DSG4: variants seen among roughly 807,000 people sequenced by gnomAD.
The protein encoded by DSG4 is desmoglein 4.
DSG4 carries 87 observed loss-of-function variants against 93.1 expected under a neutral mutation model. That is an observed-to-expected ratio of 0.93 (90% CI 0.79 to 1.12). The LOEUF is 1.12. Ranked by LOEUF, DSG4 falls within the 50% of genes most tolerant of loss-of-function variation. DSG4 has a pLI of 0.00. For synonymous variants in DSG4, 432 were observed against 452.9 expected, an observed-to-expected ratio of 0.95 and a Z score of 0.59; for missense variants, 1,373 against 1,285.7, an observed-to-expected ratio of 1.07 and a Z score of -1.04.
At position 31,413,093 on chromosome 18, in the gene DSG4, A is replaced by C. The variant is rs756399115; in HGVS notation, c.2621A>C (p.Asn874Thr). ...ACTGACCTCCCTTTGCTCGGACCTA[A>C]TTACTTTGTTAATGAATCTTCAGGA... Reference protein sequence around the residue: ...ISTDLPLLGPNYFVNESSGLT... With the variant: ...ISTDLPLLGPTYFVNESSGLT... Residue 874 changes from asparagine (N) to threonine (T), a missense_variant, in exon 16 of 16, where the codon AAT becomes ACT. Asn to Thr is a moderately conservative substitution (Grantham distance 65). Coordinates refer to ENST00000308128, the MANE Select transcript of DSG4 (RefSeq NM_177986.5). 1 of 1,614,102 alleles carries C rather than the reference A, an allele frequency of 6.2e-7. No individual in the cohort carries two copies. The highest frequency in any genetic ancestry group is 1.7e-5 in the Admixed American group (1 of 60,016).
rs773738568 is a variant in DSG4, at chr18:31,399,342, A to G, written c.1076A>G (p.Tyr359Cys). Residue 359 changes from tyrosine to cysteine, a missense_variant, in exon 9 of 16, where the codon TAC becomes TGC. Coordinates refer to ENST00000308128, the MANE Select transcript of DSG4 (RefSeq NM_177986.5). ...IGVKNQADFH[Y>C]SVASQFQMHP... ...GTTAAAAACCAAGCTGATTTTCACT[A>G]CTCCGTTGCTTCTCAATTCCAAATG... 1.9e-6 allele frequency: 3 copies of G among 1,613,998 alleles called. No homozygotes were observed. Among genetic ancestry groups the G allele is most frequent in the East Asian group, 2.2e-5 (1 of 44,862 alleles).
chr18:31,406,163 G>C lies in DSG4; in HGVS notation c.1723G>C (p.Ala575Pro). ...CCTGGTGAAGGACAGCTATAACAGA[G>C]CATGTGAATTGGCACAAATGGTGCA... ...PILVKDSYNRACELAQMVQLY... is the reference protein window; with the variant it reads ...PILVKDSYNRPCELAQMVQLY... Residue 575 changes from alanine to proline, a missense_variant, in exon 12 of 16, where the codon GCA (alanine) becomes CCA (proline). Transcript: ENST00000308128. The C allele has an allele frequency of 6.2e-7, 1 of 1,614,172 alleles. No individual in the cohort carries two copies. Among genetic ancestry groups the C allele is most frequent in the Non-Finnish European group, 8.5e-7 (1 of 1,180,044 alleles).
At position 31,411,218 on chromosome 18, in the gene DSG4, C is replaced by T. The variant is rs1193514209; in HGVS notation, c.2138-13C>T. ...AACTCCAGCGCTGTTAAACCAACAT[C>T]CTCCCTTTTCAGAAATCTACACCAA... is the stretch of plus-strand genomic sequence containing the variant. On this transcript the variant is annotated splice_polypyrimidine_tract_variant and intron_variant, in intron 14 of 15. Coordinates refer to ENST00000308128, the MANE Select transcript of DSG4 (RefSeq NM_177986.5). 4 of 1,613,626 alleles carry T rather than the reference C, an allele frequency of 2.5e-6. No homozygotes were observed. The highest frequency in any genetic ancestry group is 1.3e-5 in the African/African-American group (1 of 74,808).
chr18:31,386,102 G>A (rs1002279990), intron 2 of DSG4, among the ~76,000 whole-genome samples: 4 of 152,026 alleles, frequency 2.6e-5, no homozygotes, highest in African/African-American at 9.7e-5. Context: ...CCTTATAGGT[G>A]TCCATGGGAT....
chr18:31,378,867 C>T (rs1039263380), intron 1 of DSG4, among the ~76,000 whole-genome samples: 3 of 152,146 alleles, frequency 2.0e-5, no homozygotes. Context: ...GCCTACTTCT[C>T]TTTAATTTCC....
intron 14 of DSG4, among the ~76,000 whole-genome samples, chr18:31,410,424 C>T (rs2072474350): frequency 6.6e-6 from 1 of 151,438 alleles, no homozygotes; most frequent in African/African-American, 2.4e-5. Flanking sequence ...TATATACACA[C>T]ACACATATAT....
rs761255772 is a variant in DSG4 at position 31,413,332 on chromosome 18, G to T, written c.2860G>T (p.Ala954Ser). Residue 954 changes from alanine to serine, a missense_variant, in exon 16 of 16, where the codon GCT (alanine) becomes TCT (serine). Coordinates refer to ENST00000308128, the MANE Select transcript of DSG4 (RefSeq NM_177986.5). ...YDIQGNICVP[A>S]ELADYNNVIY... ...TATTCAAGGGAATATTTGTGTACCT[G>T]CTGAGTTAGCAGATTACAACAATGT... 5.3e-5 allele frequency: 85 copies of T among 1,614,026 alleles called. 1 individual carries two copies. The highest frequency in any genetic ancestry group is 4.9e-4 in the Middle Eastern group (3 of 6,084).
chr18:31,388,554 A>G (rs1252728363), intron 4 of DSG4, 32 bp downstream of exon 4: 1 of 1,612,096 alleles, frequency 6.2e-7, no homozygotes, highest in Admixed American at 1.7e-5. Flanking sequence ...TGATTTGTTC[A>G]TATTAGTTTT....
chr18:31,394,700 T>G (rs1269024947), intron 8 of DSG4, among the ~76,000 whole-genome samples: 1 of 146,988 alleles, frequency 6.8e-6, no homozygotes. Flanking sequence ...AAAAAAGGAA[T>G]GGGTATAGGA....
At chr18:31,392,111 C>G (rs545641628) in intron 7 of DSG4, 44 bp from the exon 8 acceptor site, 1 of 1,589,994 alleles carries the variant, frequency 6.3e-7, no homozygotes, top group South Asian at 1.1e-5. Context: ...TACGTTTCTT[C>G]TTTTGAAAAT....
intron 5 of DSG4, 39 bp from the exon 6 acceptor site, chr18:31,390,615 TAA>T: frequency 1.9e-6 from 3 of 1,611,152 alleles, no homozygotes; most frequent in Non-Finnish European, 1.7e-6. Context: ...GAATTTATTC[TAA>T]GAGTCCCAAC....
chr18:31,389,040 C>G, intron 5 of DSG4, 22 bp downstream of exon 5: 1 of 1,611,898 alleles, frequency 6.2e-7, no homozygotes, highest in Non-Finnish European at 8.5e-7. Context: ...GACATTCCTT[C>G]TCTACGTCAC....
chr18:31,403,524 C>T lies in DSG4; in HGVS notation c.1526C>T (p.Pro509Leu), dbSNP rs182031208. 14 of 1,614,052 alleles carry T rather than the reference C, an allele frequency of 8.7e-6. No homozygotes were observed. In the East Asian group the frequency reaches 3.1e-4, roughly 36 times the overall value. ...PERRTICIDS[P>L]SVLISVNEHS... Reference sequence around the variant, plus strand: ...AGAAGAACCATCTGCATTGACTCTCCATCAGTCCTTATCTCTGTTAATGAA... The same window carrying T: ...AGAAGAACCATCTGCATTGACTCTCTATCAGTCCTTATCTCTGTTAATGAA... Residue 509 changes from proline to leucine, a missense_variant, in exon 11 of 16, where the codon CCA becomes CTA. By Grantham distance (98) the Pro-to-Leu change is moderately conservative. Transcript: ENST00000308128.
intron 8 of DSG4, among the ~76,000 whole-genome samples, chr18:31,398,234 T>C (rs2072326629): frequency 6.6e-6 from 1 of 152,164 alleles, no homozygotes; most frequent in Non-Finnish European, 1.5e-5. Context: ...CTAGGTATTA[T>C]GTGGATCTGT....
Position 31,413,154 on chromosome 18 carries a change from G to T in DSG4, c.2682G>T (p.Met894Ile). ...TPSEVEFQEE[M>I]AASEPVVHGD... ...CAGAAGTTGAATTCCAAGAAGAAAT[G>T]GCAGCATCTGAACCCGTGGTCCATG... Residue 894 changes from methionine (M) to isoleucine (I), a missense_variant, in exon 16 of 16, where the codon ATG becomes ATT. Physicochemically the swap from Met to Ile is conservative, Grantham distance 10. Transcript: ENST00000308128. 1 of 1,614,094 alleles carries T rather than the reference G, an allele frequency of 6.2e-7. No homozygotes were observed. Among genetic ancestry groups the T allele is most frequent in the Non-Finnish European group, 8.5e-7 (1 of 1,180,010 alleles).
intron 2 of DSG4, among the ~76,000 whole-genome samples, chr18:31,386,242 G>A (rs111797626): frequency 6.6e-6 from 1 of 152,092 alleles, no homozygotes; most frequent in African/African-American, 2.4e-5. Flanking sequence ...TCTTTTAGGT[G>A]AGCACGACTC....
chr18:31,411,300 C>A lies in DSG4; in HGVS notation c.2207C>A (p.Thr736Lys), dbSNP rs1045999232. Residue 736 changes from threonine (T) to lysine (K), a missense_variant, in exon 15 of 16, where the codon ACA becomes AAA. Transcript: ENST00000308128. ...EGGVSGVELNTGMGTAVGLMA... is the reference protein window; with the variant it reads ...EGGVSGVELNKGMGTAVGLMA... ...GGTGTATCGGGAGTGGAGCTCAACA[C>A]AGGTATGGGGACAGCCGTTGGCCTC... The A allele has an allele frequency of 1.9e-6, 3 of 1,614,074 alleles. No individual in the cohort carries two copies. The highest frequency in any genetic ancestry group is 1.7e-5 in the Admixed American group (1 of 60,014).
rs201177179 is a variant in DSG4, at chr18:31,388,975, G to T, written c.474G>T (p.Ser158=). Residue 158 remains serine (S), a synonymous_variant, in exon 5 of 16, where the codon TCG becomes TCT. Transcript: ENST00000308128. The part of the protein sequence containing the change: ...MDINDNAPVF[S]QSVYTASIEE... ...TAAATGATAACGCTCCAGTCTTTTCGCAAAGTGTATACACAGCCAGCATTG... is the reference window on the plus strand; with the variant it reads ...TAAATGATAACGCTCCAGTCTTTTCTCAAAGTGTATACACAGCCAGCATTG... 5.9e-5 allele frequency: 95 copies of T among 1,613,362 alleles called. No homozygotes were observed. In the East Asian group the frequency reaches 1.9e-3, roughly 33 times the overall value.
Position 31,406,234 on chromosome 18 carries a change from T to C in DSG4, c.1794T>C (p.Ser598=), listed in dbSNP as rs1200051005. ...ATGACAACCACATGTGCCTGGACTCTGGTGCCGCGGGCATCTACACAGAGG... is the reference window on the plus strand; with the variant it reads ...ATGACAACCACATGTGCCTGGACTCCGGTGCCGCGGGCATCTACACAGAGG... ...DCDDNHMCLD[S]GAAGIYTEDI... Residue 598 remains serine (S), a synonymous_variant, in exon 12 of 16, where the codon TCT becomes TCC. Coordinates refer to ENST00000308128, the MANE Select transcript of DSG4 (RefSeq NM_177986.5). 2.5e-6 allele frequency: 4 copies of C among 1,613,018 alleles called. No individual in the cohort carries two copies. The highest frequency in any genetic ancestry group is 1.7e-6 in the Non-Finnish European group (2 of 1,179,692).
Sources: allele counts gnomAD v4.1 joint callset (sites outside exome capture counted in the v4.1 genomes callset), GRCh38; gene constraint gnomAD v4.1.1; transcripts MANE v1.5; gene names NCBI Gene and HGNC (gene_info 2026-07-23, HGNC 2026-07-21).